Variants in LRP1B observed in about 807,000 individuals in gnomAD.
The protein encoded by LRP1B is LDL receptor related protein 1B, also known as low-density lipoprotein receptor-related protein 1B.
A neutral mutation model predicts 556.6 loss-of-function variants in LRP1B; 217 were observed. The ratio of observed to expected loss-of-function variants is 0.39; its 90% CI spans 0.35 to 0.44. The LOEUF is 0.44. Ranked by LOEUF, LRP1B falls within the 20% of genes least tolerant of loss-of-function variation. The pLI, the probability that LRP1B is intolerant of heterozygous loss-of-function variation, is 1.00. For missense variants in LRP1B, 5,053 were observed against 5,620.8 expected (o/e 0.90, Z 3.23); for synonymous variants, 2,047 against 1,865.8 (o/e 1.10, Z -2.50).
At chr2:141,737,956 GTCT>G (rs1249017286) in intron 2 of LRP1B, among the ~76,000 whole-genome samples, 5 of 151,854 alleles carry the variant, frequency 3.3e-5, no homozygotes, top group African/African-American at 1.2e-4. Flanking sequence ...AACTAGCCAC[GTCT>G]TTAATCTAGT....
chr2:140,810,994 C>T (rs1453452072), intron 32 of LRP1B, among the ~76,000 whole-genome samples: 2 of 152,186 alleles, frequency 1.3e-5, no homozygotes, highest in African/African-American at 4.8e-5. Flanking sequence ...CCCAGCCTCA[C>T]AAAGTGCTGG....
chr2:140,477,416 TA>T (rs1430826413), intron 59 of LRP1B, among the ~76,000 whole-genome samples: 1 of 152,096 alleles, frequency 6.6e-6, no homozygotes, highest in African/African-American at 2.4e-5. Context: ...TCTATAACAT[TA>T]AAAATAACAC....
chr2:141,037,647 G>A (rs553926026), intron 11 of LRP1B, among the ~76,000 whole-genome samples: 4 of 152,062 alleles, frequency 2.6e-5, no homozygotes, highest in African/African-American at 7.2e-5. Context: ...CAGACCAAAG[G>A]CAGACCACAC....
intron 43 of LRP1B, among the ~76,000 whole-genome samples, chr2:140,572,356 A>G: frequency 6.6e-6 from 1 of 151,858 alleles, no homozygotes; most frequent in Non-Finnish European, 1.5e-5. Flanking sequence ...CTCTCAAAAG[A>G]CGACATGCAA....
chr2:141,689,563 A>C (rs1393686191), intron 2 of LRP1B, among the ~76,000 whole-genome samples: 2 of 151,840 alleles, frequency 1.3e-5, no homozygotes, highest in Admixed American at 1.3e-4. Context: ...TGTATATATA[A>C]GGGAAATTGT....
chr2:140,654,762 T>C (rs1442676758), intron 41 of LRP1B, among the ~76,000 whole-genome samples: 1 of 152,188 alleles, frequency 6.6e-6, no homozygotes, highest in Non-Finnish European at 1.5e-5. Context: ...GAAGGGATGC[T>C]AAGTAAAAAT....
intron 1 of LRP1B, among the ~76,000 whole-genome samples, chr2:141,950,167 A>G (rs932723389): frequency 1.8e-4 from 27 of 152,180 alleles, no homozygotes; most frequent in African/African-American, 5.3e-4. Context: ...TAGGATCAAC[A>G]TATTTTCTAG....
chr2:140,263,300 T>C (rs972045519), intron 86 of LRP1B, among the ~76,000 whole-genome samples: 6 of 152,048 alleles, frequency 3.9e-5, no homozygotes, highest in African/African-American at 1.4e-4. Flanking sequence ...AATCCAGCAG[T>C]CTTCCTTTAT....
chr2:141,600,119 G>C (rs894521706), intron 2 of LRP1B, among the ~76,000 whole-genome samples: 3 of 152,154 alleles, frequency 2.0e-5, no homozygotes, highest in African/African-American at 7.2e-5. Context: ...GTAGAAGATA[G>C]AGGTGGTGAA....
At chr2:140,632,675 A>G (rs867268988) in intron 41 of LRP1B, among the ~76,000 whole-genome samples, 1 of 152,232 alleles carries the variant, frequency 6.6e-6, no homozygotes, top group African/African-American at 2.4e-5. Flanking sequence ...ATCACTTTAA[A>G]TGTCAATGGT....
At chr2:141,869,353 G>T (rs1698510862) in intron 1 of LRP1B, among the ~76,000 whole-genome samples, 1 of 151,886 alleles carries the variant, frequency 6.6e-6, no homozygotes, top group Non-Finnish European at 1.5e-5. Context: ...TTCTATATCT[G>T]CTGTTCTCTA....
At chr2:140,532,499 C>T (rs145687124) in intron 47 of LRP1B, among the ~76,000 whole-genome samples, 463 of 152,076 alleles carry the variant, frequency 3.0e-3, no homozygotes, top group Non-Finnish European at 5.2e-3. Context: ...CGGGTTCAAG[C>T]GATTCTCCTG....
At chr2:140,430,430 T>C (rs1383403956) in intron 66 of LRP1B, among the ~76,000 whole-genome samples, 1 of 152,182 alleles carries the variant, frequency 6.6e-6, no homozygotes, top group East Asian at 1.9e-4. Flanking sequence ...TCAAGGCCGC[T>C]TCACTTCCAA....
At chr2:141,576,592 A>C (rs1279680989) in intron 2 of LRP1B, among the ~76,000 whole-genome samples, 1 of 152,102 alleles carries the variant, frequency 6.6e-6, no homozygotes, top group Non-Finnish European at 1.5e-5. Context: ...GAAATTTAAA[A>C]AAATTTTAAA....
intron 1 of LRP1B, among the ~76,000 whole-genome samples, chr2:142,013,285 A>G (rs910382417): frequency 2.6e-5 from 4 of 152,190 alleles, no homozygotes; most frequent in Non-Finnish European, 5.9e-5. Context: ...AAAGGAAGTA[A>G]TGTTAAACTC....
At chr2:142,039,174 TG>T (rs1703984786) in intron 1 of LRP1B, among the ~76,000 whole-genome samples, 1 of 151,544 alleles carries the variant, frequency 6.6e-6, no homozygotes, top group South Asian at 2.1e-4. Flanking sequence ...AAAATTTAAC[TG>T]GGAATAATTA....
At chr2:141,874,656 T>A (rs1003147243) in intron 1 of LRP1B, among the ~76,000 whole-genome samples, 1 of 151,930 alleles carries the variant, frequency 6.6e-6, no homozygotes, top group Non-Finnish European at 1.5e-5. Context: ...TAAAAAAGCA[T>A]CTCAAAAGTA....
chr2:141,178,606 G>A (rs930914409), intron 7 of LRP1B, among the ~76,000 whole-genome samples: 2 of 152,212 alleles, frequency 1.3e-5, no homozygotes, highest in Middle Eastern at 3.4e-3. Context: ...TTGGTAGCCA[G>A]AAGAGAAGAT....
chr2:141,019,261 T>C (rs1356740431), intron 12 of LRP1B, among the ~76,000 whole-genome samples: 3 of 152,094 alleles, frequency 2.0e-5, no homozygotes, highest in African/African-American at 7.2e-5. Context: ...GATGTCCCTA[T>C]ATGGAAATTA....
Sources: gnomAD v4.1 joint callset for allele counts (sites outside exome capture counted in the v4.1 genomes callset) on GRCh38, gnomAD v4.1.1 for gene constraint, MANE v1.5 for transcripts, NCBI Gene and HGNC (gene_info 2026-07-23, HGNC 2026-07-21) for gene names.